UBA6: variants seen among roughly 807,000 people sequenced by gnomAD.
UBA6 encodes the protein ubiquitin-like modifier-activating enzyme 6.
A neutral mutation model predicts 148.3 loss-of-function variants in UBA6; 87 were observed. The observed-to-expected ratio is 0.59, with a 90% CI of 0.49 to 0.70. The LOEUF (loss-of-function observed/expected upper bound fraction) is 0.70. Among genes scored for constraint, UBA6 ranks in the 30% least tolerant of loss-of-function variants. The pLI is 0.00. For synonymous variants in UBA6, 376 were observed against 401.0 expected, an observed-to-expected ratio of 0.94 and a Z score of 0.75; for missense variants, 1,186 against 1,241.2, an observed-to-expected ratio of 0.96 and a Z score of 0.67.
intron 13 of UBA6, among the ~76,000 whole-genome samples, chr4:67,653,552 A>G (rs1001115697): frequency 2.0e-5 from 3 of 152,290 alleles, no homozygotes; most frequent in Admixed American, 6.5e-5. Context: ...AAAGACCAAA[A>G]GTAGGTAAAA....
chr4:67,644,514 A>G (rs563743670), intron 17 of UBA6, among the ~76,000 whole-genome samples, 184 bp downstream of exon 17: 1 of 152,332 alleles, frequency 6.6e-6, no homozygotes, highest in Admixed American at 6.5e-5. Flanking sequence ...GGGGAAGAGA[A>G]GTAATTTGCT....
intron 27 of UBA6, among the ~76,000 whole-genome samples, chr4:67,628,811 T>C (rs559008885): frequency 1.3e-5 from 2 of 152,058 alleles, no homozygotes; most frequent in African/African-American, 4.8e-5. Flanking sequence ...CCCACAATGA[T>C]ATAGTGGGCA....
At chr4:67,666,469 C>A (rs908927874) in intron 9 of UBA6, among the ~76,000 whole-genome samples, 1 of 151,606 alleles carries the variant, frequency 6.6e-6, no homozygotes, top group Non-Finnish European at 1.5e-5. Flanking sequence ...GCTGTTACCT[C>A]TGGAGAGGAA....
Position 67,662,237 on chromosome 4 carries a change from T to C in UBA6, c.1056A>G (p.Glu352=). ...KPNVGCQQDS[E]ELLKLATSIS... ...TAGATGTTGCTAGTTTCAACAGTTC[T>C]TCTGAATCTTGTTGGCATCTACAAC... Residue 352 remains glutamate (E), a synonymous_variant, in exon 13 of 33, where the codon GAA becomes GAG. Coordinates refer to ENST00000322244, the MANE Select transcript of UBA6 (RefSeq NM_018227.6). 6.2e-7 allele frequency: 1 copy of C among 1,613,554 alleles called. No individual in the cohort carries two copies. The highest frequency in any genetic ancestry group is 1.1e-5 in the South Asian group (1 of 91,032).
rs145837626 is a variant in UBA6 at position 67,634,267 on chromosome 4, T to C, written c.1988A>G (p.Tyr663Cys). 6.0e-4 allele frequency: 963 copies of C among 1,597,254 alleles called. 5 individuals carry two copies. Among genetic ancestry groups the C allele is most frequent in the Middle Eastern group, 3.6e-3 (20 of 5,598 alleles). ...PSLFNKFWQT[Y>C]SSAEEVLQKI... ...CTGTAAGACTTCTTCTGCAGATGAA[T>C]AGGTTTGCCAAAATTTGTTAAACAA... The change falls in exon 22 of 33, where the codon TAT becomes TGT. Residue 663 changes from tyrosine to cysteine, a missense_variant. Physicochemically the swap from Tyr to Cys is radical, Grantham distance 194. Transcript: ENST00000322244.
chr4:67,662,162 C>T (rs759990216), intron 13 of UBA6, 27 bp downstream of exon 13: 20 of 1,603,404 alleles, frequency 1.2e-5, no homozygotes, highest in African/African-American at 8.0e-5. Context: ...AACAAATATT[C>T]GGACAGCCAT....
Position 67,626,806 on chromosome 4 carries a change from G to T in UBA6, c.2401-329C>A, listed in dbSNP as rs185209473. On this transcript the variant is annotated intron_variant, in intron 27 of 32. Transcript: ENST00000322244. The stretch of plus-strand genomic sequence containing the variant: ...ACAGTGGGCATAAAAAATATTTACT[G>T]AGTAGCTCATACAATCTAAGTCCAT... Among the ~76,000 whole-genome samples the T allele has an allele frequency of 4.2e-3, 632 of 151,900 alleles. 2 individuals carry two copies. The highest frequency in any genetic ancestry group is 5.6e-3 in the Non-Finnish European group (383 of 67,822).
At chr4:67,644,902 T>C in intron 16 of UBA6, 124 bp from the exon 17 acceptor site, 1 of 532,636 alleles carries the variant, frequency 1.9e-6, no homozygotes, top group East Asian at 2.9e-5. Flanking sequence ...ATAAACCAAA[T>C]AAGGAAAAGC....
chr4:67,626,055 T>A (rs2306809), intron 28 of UBA6, among the ~76,000 whole-genome samples: 58,223 of 151,554 alleles, frequency 0.38, 11,273 homozygotes, highest in Middle Eastern at 0.51. Context: ...AAACAGAGCT[T>A]TTCATTCATG....
rs776587430 is a variant in UBA6, at chr4:67,634,428, C to G, written c.1932+1G>C. The G allele has an allele frequency of 6.3e-7, 1 of 1,575,168 alleles. No individual in the cohort carries two copies. The highest frequency in any genetic ancestry group is 1.2e-5 in the South Asian group (1 of 82,616). On this transcript the variant is annotated splice_donor_variant, in intron 21 of 32. Transcript: ENST00000322244. LOFTEE classifies it high-confidence loss of function. ...AAATAAATTTAAAAAGGAACTTTTACCTTATCTCTTGCCCACTGTATGGTA... is the reference window on the plus strand; with the variant it reads ...AAATAAATTTAAAAAGGAACTTTTAGCTTATCTCTTGCCCACTGTATGGTA...
intron 4 of UBA6, among the ~76,000 whole-genome samples, chr4:67,679,979 C>A (rs1730391845): frequency 6.6e-6 from 1 of 152,044 alleles, no homozygotes; most frequent in Non-Finnish European, 1.5e-5. Context: ...TAGATCAAAA[C>A]ACATCAAATT....
At chr4:67,674,652 T>C (rs750733860) in intron 6 of UBA6, among the ~76,000 whole-genome samples, 1 of 152,122 alleles carries the variant, frequency 6.6e-6, no homozygotes, top group Non-Finnish European at 1.5e-5. Context: ...AGTAACAGGA[T>C]AGTTTGCAAA....
rs573071219 is a variant in UBA6 at position 67,643,220 on chromosome 4, A to T, written c.1476+1478T>A. On this transcript the variant is annotated intron_variant, in intron 17 of 32. Transcript: ENST00000322244. ...AGTATAATAATAATAAAATAAAATT[A>T]AAAAAAATTCTATTATTGGTAGCAC... is the stretch of plus-strand genomic sequence containing the variant. 2.0e-3 allele frequency among the ~76,000 whole-genome samples: 300 copies of T among 151,738 alleles called. 1 individual carries two copies. Among genetic ancestry groups the T allele is most frequent in the African/African-American group, 4.0e-3 (165 of 41,450 alleles).
intron 12 of UBA6, 78 bp downstream of exon 12, chr4:67,663,061 G>A: frequency 9.8e-7 from 1 of 1,019,390 alleles, no homozygotes; most frequent in Non-Finnish European, 1.5e-6. Context: ...AAAGGGCATA[G>A]TTACTTTTTA....
intron 1 of UBA6, among the ~76,000 whole-genome samples, chr4:67,699,444 A>C (rs1730918148): frequency 1.3e-5 from 2 of 152,238 alleles, no homozygotes; most frequent in Non-Finnish European, 2.9e-5. Context: ...CTTCTAGCTA[A>C]TTAAACGGAT....
chr4:67,651,059 G>A (rs201054199), intron 13 of UBA6, among the ~76,000 whole-genome samples: 1 of 152,030 alleles, frequency 6.6e-6, no homozygotes, highest in Non-Finnish European at 1.5e-5. Context: ...CCCTTATCCT[G>A]TCCAAAAAGT....
chr4:67,696,542 C>CAT, intron 2 of UBA6, 103 bp downstream of exon 2: 8 of 746,348 alleles, frequency 1.1e-5, no homozygotes, highest in Non-Finnish European at 1.5e-5. Context: ...CACACACACA[C>CAT]ATATAATTCT....
chr4:67,675,287 A>G (rs1577831114), intron 6 of UBA6, among the ~76,000 whole-genome samples: 1 of 152,280 alleles, frequency 6.6e-6, no homozygotes, highest in Admixed American at 6.5e-5. Flanking sequence ...CATTTCCATA[A>G]GTTGTACCTG....
At chr4:67,694,613 G>A (rs925793894) in intron 2 of UBA6, among the ~76,000 whole-genome samples, 1 of 151,994 alleles carries the variant, frequency 6.6e-6, no homozygotes, top group African/African-American at 2.4e-5. Flanking sequence ...TAGCCAGGAT[G>A]GTCTCGATCT....
Sources: gnomAD v4.1 joint callset for allele counts (sites outside exome capture counted in the v4.1 genomes callset) on GRCh38, gnomAD v4.1.1 for gene constraint, MANE v1.5 for transcripts, NCBI Gene and HGNC (gene_info 2026-07-23, HGNC 2026-07-21) for gene names.